The following ATRN variants were observed in gnomAD, a reference collection of about 807,000 sequenced individuals.
ATRN encodes the protein attractin-2.
ATRN carries 54 observed loss-of-function variants against 178.7 expected under a neutral mutation model. The observed-to-expected ratio is 0.30, with a 90% CI of 0.24 to 0.38. The LOEUF (loss-of-function observed/expected upper bound fraction) is 0.38. Among genes scored for constraint, ATRN ranks in the 10% least tolerant of loss-of-function variants. ATRN has a pLI of 1.00. For missense variants in ATRN, 1,443 were observed against 1,815.1 expected (o/e 0.79, Z 3.73); for synonymous variants, 636 against 663.0 (o/e 0.96, Z 0.63).
intron 18 of ATRN, 54 bp downstream of exon 18, chr20:3,584,934 A>G (rs1270804223): frequency 1.1e-5 from 17 of 1,538,680 alleles, no homozygotes; most frequent in Middle Eastern, 3.4e-4. Flanking sequence ...TTTATGAAGA[A>G]TAAAACCTTG....
intron 18 of ATRN, among the ~76,000 whole-genome samples, chr20:3,587,118 G>T (rs1315703243): frequency 1.3e-5 from 2 of 152,112 alleles, no homozygotes; most frequent in Non-Finnish European, 2.9e-5. Context: ...AGTTCTTTAT[G>T]AATTCTGAAG....
chr20:3,493,122 TTGTGTGTG>T (rs10601580), intron 1 of ATRN, among the ~76,000 whole-genome samples: 42 of 141,246 alleles, frequency 3.0e-4, no homozygotes, highest in African/African-American at 7.3e-4. Flanking sequence ...GTACGTTTGT[TTGTGTGTG>T]TGTGTGTGTG....
intron 1 of ATRN, among the ~76,000 whole-genome samples, chr20:3,515,487 A>T (rs1293833410): frequency 1.3e-5 from 2 of 152,150 alleles, no homozygotes; most frequent in Non-Finnish European, 2.9e-5. Context: ...GGACCAAGTG[A>T]AAAGGGTTTT....
chr20:3,477,106 C>T (rs2084542473), intron 1 of ATRN, among the ~76,000 whole-genome samples: 1 of 105,952 alleles, frequency 9.4e-6, no homozygotes, highest in African/African-American at 4.6e-5. Context: ...TCCATGAGGG[C>T]AGGGGCCTGG....
At chr20:3,636,532 AAAAC>A (rs770339078) in intron 26 of ATRN, among the ~76,000 whole-genome samples, 16 of 152,250 alleles carry the variant, frequency 1.1e-4, no homozygotes, top group East Asian at 1.9e-4. Flanking sequence ...CACTCATGAT[AAAAC>A]AAACAAACAC....
intron 1 of ATRN, among the ~76,000 whole-genome samples, chr20:3,483,685 TGTGA>T (rs2084653210): frequency 1.3e-5 from 2 of 152,314 alleles, no homozygotes; most frequent in Non-Finnish European, 2.9e-5. Context: ...TGCATACATG[TGTGA>T]TTTTTCTCTA....
At chr20:3,505,441 C>G (rs1306304814) in intron 1 of ATRN, among the ~76,000 whole-genome samples, 1 of 152,208 alleles carries the variant, frequency 6.6e-6, no homozygotes, top group African/African-American at 2.4e-5. Context: ...TTGCAGATAG[C>G]CTGTCGTGGG....
chr20:3,598,028 T>C (rs1400018002), intron 22 of ATRN, 28 bp downstream of exon 22: 1 of 1,460,276 alleles, frequency 6.8e-7, no homozygotes, highest in Non-Finnish European at 9.6e-7. Flanking sequence ...CTTCCTATTT[T>C]GTTTTGAATT....
chr20:3,586,234 T>A (rs1344511430), intron 18 of ATRN, among the ~76,000 whole-genome samples: 1 of 152,216 alleles, frequency 6.6e-6, no homozygotes, highest in Admixed American at 6.5e-5. Context: ...ATTCATACAG[T>A]GTAATGTTAT....
At chr20:3,496,139 G>T (rs2084875343) in intron 1 of ATRN, among the ~76,000 whole-genome samples, 1 of 151,792 alleles carries the variant, frequency 6.6e-6, no homozygotes, top group Admixed American at 6.6e-5. Flanking sequence ...GGTTTTTTGT[G>T]TCTCTATTTC....
intron 1 of ATRN, among the ~76,000 whole-genome samples, chr20:3,512,103 ATATAT>A (rs1235798021): frequency 6.0e-5 from 7 of 117,268 alleles, no homozygotes; most frequent in African/African-American, 2.9e-4. Context: ...ATATATATAT[ATATAT>A]TTTTTTTTTT....
chr20:3,583,924 A>G lies in ATRN; in HGVS notation c.2791A>G (p.Thr931Ala). 1.2e-6 allele frequency: 2 copies of G among 1,614,220 alleles called. No individual in the cohort carries two copies. Among genetic ancestry groups the G allele is most frequent in the East Asian group, 4.5e-5 (2 of 44,890 alleles). ...PANHSAKQCR[T>A]PCALRTACGD... ...AAACCACAGTGCTAAGCAGTGCCGG[A>G]CACCATGTGCCTTGAGGACAGCATG... Residue 931 changes from threonine (T) to alanine (A), a missense_variant, in exon 17 of 29, where the codon ACA (threonine) becomes GCA (alanine). Physicochemically the swap from Thr to Ala is moderately conservative, Grantham distance 58. Around this residue, in one of 4 missense-constraint regions of ATRN, gnomAD observed 212 missense variants for 330.7 expected, o/e 0.64. Coordinates refer to ENST00000262919, the MANE Select transcript of ATRN (RefSeq NM_139321.3).
chr20:3,590,430 T>TC (rs1318769585), intron 18 of ATRN, among the ~76,000 whole-genome samples: 3 of 152,010 alleles, frequency 2.0e-5, no homozygotes, highest in East Asian at 1.9e-4. Context: ...CCCATCCTAT[T>TC]CCCCCCTAGA....
At chr20:3,550,058 T>G (rs2085764661) in intron 6 of ATRN, among the ~76,000 whole-genome samples, 1 of 152,256 alleles carries the variant, frequency 6.6e-6, no homozygotes, top group Admixed American at 6.5e-5. Flanking sequence ...CTAGGCGCAG[T>G]GGCTCACGCC....
rs373757042 is a variant in ATRN at position 3,600,896 on chromosome 20, A to G, written c.3565-50A>G. 8.7e-6 allele frequency: 13 copies of G among 1,497,536 alleles called. No individual in the cohort carries two copies. In the African/African-American group the frequency reaches 1.8e-4, roughly 21 times the overall value. The allele number at this position is 1,497,536 out of a possible 1,614,324, so 92.8% of individuals were successfully genotyped here. A position where few individuals can be genotyped will look rare whatever the true frequency, so the allele number is the denominator to read the frequency against. The stretch of plus-strand genomic sequence containing the variant: ...GTAAACTTTATTGCTTTATTTTAAA[A>G]TCTAGAAATTGTTTTAATTAATTTT... On this transcript the variant is annotated intron_variant, in intron 22 of 28. Transcript: ENST00000262919.
chr20:3,648,799 A>G lies in ATRN; in HGVS notation c.*1952A>G, dbSNP rs1350970294. 1 of 152,140 alleles carries G rather than the reference A, an allele frequency of 6.6e-6. No homozygotes were observed. The highest frequency in any genetic ancestry group is 1.5e-5 in the Non-Finnish European group (1 of 68,036). 9.4% of individuals were successfully genotyped at this position (152,140 alleles called of 1,614,324 possible). ...ATCCCTGCTACAGAACACAGCACCC[A>G]TGGCGCCTGCAGTGGACTGGCCCCT... On this transcript the variant is annotated 3_prime_UTR_variant, in exon 29 of 29. Transcript: ENST00000262919.
chr20:3,606,166 TC>T (rs1377630967), intron 24 of ATRN, among the ~76,000 whole-genome samples: 1 of 152,162 alleles, frequency 6.6e-6, no homozygotes, highest in Non-Finnish European at 1.5e-5. Context: ...CGCTTCTTAT[TC>T]CTGTTTTCTC....
intron 22 of ATRN, among the ~76,000 whole-genome samples, chr20:3,599,391 C>T (rs535638719): frequency 6.6e-6 from 1 of 152,232 alleles, no homozygotes; most frequent in East Asian, 1.9e-4. Context: ...TGGGAAGCAA[C>T]CATGAAAGTA....
At chr20:3,597,027 T>G (rs1260647864) in intron 21 of ATRN, among the ~76,000 whole-genome samples, 1 of 144,736 alleles carries the variant, frequency 6.9e-6, no homozygotes, top group African/African-American at 2.5e-5. Context: ...CCTTCAAAAT[T>G]CATGTCCACT....
Sources: gnomAD v4.1 joint callset for allele counts (sites outside exome capture counted in the v4.1 genomes callset) on GRCh38, gnomAD v4.1.1 for gene constraint, gnomAD v4.1.1 regional missense constraint, MANE v1.5 for transcripts, NCBI Gene and HGNC (gene_info 2026-07-23, HGNC 2026-07-21) for gene names.